ABCA13: variants seen among roughly 807,000 people sequenced by gnomAD.
ABCA13 encodes the protein ATP-binding cassette sub-family A member 13.
Under a neutral mutation model 478.7 loss-of-function variants are expected in ABCA13, and 476 were observed. That is an observed-to-expected ratio of 0.99 (90% CI 0.92 to 1.07). The LOEUF (loss-of-function observed/expected upper bound fraction) is 1.07, where lower values mean the gene tolerates loss of function less well. ABCA13 is among the 50% of genes least tolerant of loss of function. The pLI is 0.00. For missense variants in ABCA13, 6,060 were observed against 5,910.6 expected (o/e 1.03, Z -0.83); for synonymous variants, 2,252 against 2,158.9 (o/e 1.04, Z -1.20).
intron 5 of ABCA13, 21 bp from the exon 6 acceptor site, chr7:48,227,241 G>C: frequency 6.2e-7 from 1 of 1,609,370 alleles, no homozygotes; most frequent in Non-Finnish European, 8.5e-7. Flanking sequence ...GAAACTTTTG[G>C]TGTATTTTTT....
chr7:48,239,538 A>G, intron 9 of ABCA13, 133 bp downstream of exon 9: 1 of 1,072,210 alleles, frequency 9.3e-7, no homozygotes, highest in Non-Finnish European at 1.3e-6. Flanking sequence ...TAGGAGCCCC[A>G]CATCCTGGCC....
chr7:48,395,491 T>C (rs1816717815), intron 38 of ABCA13, among the ~76,000 whole-genome samples: 1 of 152,198 alleles, frequency 6.6e-6, no homozygotes, highest in Non-Finnish European at 1.5e-5. Flanking sequence ...GTCTTACTTA[T>C]ATTCAAATGT....
At chr7:48,317,088 A>G in intron 26 of ABCA13, 69 bp from the exon 27 acceptor site, 1 of 1,525,884 alleles carries the variant, frequency 6.6e-7, no homozygotes, top group Non-Finnish European at 8.8e-7. Flanking sequence ...GGATATGTGA[A>G]TGAATTTCCC....
At chr7:48,485,896 A>G (rs1458001419) in intron 47 of ABCA13, among the ~76,000 whole-genome samples, 25 of 152,158 alleles carry the variant, frequency 1.6e-4, no homozygotes, top group Admixed American at 1.6e-3. Context: ...CTACTCTGCC[A>G]GGTGCTTCCC....
chr7:48,190,034 A>C (rs1047303308), intron 1 of ABCA13, among the ~76,000 whole-genome samples: 4 of 152,178 alleles, frequency 2.6e-5, no homozygotes, highest in Non-Finnish European at 5.9e-5. Context: ...TTAATAACTA[A>C]AGTTATCATT....
intron 45 of ABCA13, among the ~76,000 whole-genome samples, chr7:48,480,418 C>T (rs1166313921): frequency 6.8e-6 from 1 of 147,608 alleles, no homozygotes; most frequent in East Asian, 2.3e-4. Flanking sequence ...TTTAATATAT[C>T]ATCTTTTCTG....
rs537495894 is a variant in ABCA13 at position 48,423,305 on chromosome 7, C to A, written c.12460-4461C>A. Among the ~76,000 whole-genome samples, 51 of 152,276 alleles carry A rather than the reference C, an allele frequency of 3.3e-4. 1 individual carries two copies. The South Asian group carries it at 7.5e-3, about 22-fold the overall frequency. Reference sequence around the variant, plus strand: ...AGTACATCTTATGTGACATGTAGGTCAAGTTTGGAAATTCTTCCTCTGCTC... The same window carrying A: ...AGTACATCTTATGTGACATGTAGGTAAAGTTTGGAAATTCTTCCTCTGCTC... On this transcript the variant is annotated intron_variant, in intron 41 of 61. Transcript: ENST00000435803.
At chr7:48,354,355 C>T (rs1236717322) in intron 31 of ABCA13, among the ~76,000 whole-genome samples, 1 of 151,872 alleles carries the variant, frequency 6.6e-6, no homozygotes, top group African/African-American at 2.4e-5. Flanking sequence ...CAAGAAGGCA[C>T]GATGGGAAGA....
intron 25 of ABCA13, 139 bp from the exon 26 acceptor site, chr7:48,314,093 C>G (rs1190212112): frequency 1.9e-6 from 2 of 1,041,372 alleles, no homozygotes; most frequent in Non-Finnish European, 2.7e-6. Context: ...ACAGAAAACT[C>G]TAAAGCAGAC....
chr7:48,482,444 C>T (rs558105689), intron 46 of ABCA13, among the ~76,000 whole-genome samples: 3 of 151,754 alleles, frequency 2.0e-5, no homozygotes, highest in South Asian at 2.1e-4. Context: ...TGCAGTGGCA[C>T]GATGTCCACT....
rs186745712 is a variant in ABCA13 at position 48,502,448 on chromosome 7, G to A, written c.13292-3888G>A. On this transcript the variant is annotated intron_variant, in intron 48 of 61. Transcript: ENST00000435803. The stretch of plus-strand genomic sequence containing the variant: ...TTGATCAAATAAAGATCCAACCTTG[G>A]TAGTTTAATATTTTATTATTGAGCT... Among the ~76,000 whole-genome samples, 746 of 152,304 alleles carry A rather than the reference G, an allele frequency of 4.9e-3. 23 individuals carry two copies. The highest frequency in any genetic ancestry group is 1.5e-3 in the Non-Finnish European group (100 of 68,028).
intron 42 of ABCA13, among the ~76,000 whole-genome samples, chr7:48,448,318 G>C (rs1361121614): frequency 2.0e-5 from 3 of 152,214 alleles, no homozygotes; most frequent in Non-Finnish European, 4.4e-5. Context: ...CATATTTAGA[G>C]TTTAGGTGCC....
chr7:48,272,771 A>G lies in ABCA13; in HGVS notation c.3105A>G (p.Ser1035=). 1 of 1,606,778 alleles carries G rather than the reference A, an allele frequency of 6.2e-7. No individual in the cohort carries two copies. The highest frequency in any genetic ancestry group is 8.5e-7 in the Non-Finnish European group (1 of 1,175,670). The change falls in exon 17 of 62, where the codon TCA becomes TCG. Residue 1035 remains serine (S), a synonymous_variant. Transcript: ENST00000435803. ...SNVSYCQQLL[S]IFNFLELQAQ... ...TATCTTACTGTCAGCAATTGCTTTC[A>G]ATTTTTAACTTTTTGGAGCTTCAGG...
chr7:48,505,425 G>A (rs771935299), intron 48 of ABCA13, among the ~76,000 whole-genome samples: 2 of 152,048 alleles, frequency 1.3e-5, no homozygotes, highest in African/African-American at 2.4e-5. Flanking sequence ...AGATAATACC[G>A]ATAAGATGAA....
chr7:48,300,623 G>C (rs572282445), intron 23 of ABCA13, among the ~76,000 whole-genome samples: 14 of 152,312 alleles, frequency 9.2e-5, no homozygotes, highest in Middle Eastern at 3.4e-3. Context: ...CCAGAGACAG[G>C]AGTGAGCAGA....
intron 55 of ABCA13, among the ~76,000 whole-genome samples, chr7:48,550,142 A>G (rs1159820032): frequency 6.6e-6 from 1 of 151,990 alleles, no homozygotes; most frequent in East Asian, 1.9e-4. Flanking sequence ...TCATAGGCAG[A>G]TGAAGCATAG....
In ABCA13 at chr7:48,608,098, C is replaced by T. The variant is rs149448236; in HGVS notation, c.14745-7187C>T. On this transcript the variant is annotated intron_variant, in intron 58 of 61. Transcript: ENST00000435803. ...GTTTCACCATGTTGGTCAGGCTGGT[C>T]TGGAACTCCTGACCTCAGGTGATCC... Among the ~76,000 whole-genome samples, 1,117 of 152,100 alleles carry T rather than the reference C, an allele frequency of 7.3e-3. 14 individuals are homozygous for T. Among genetic ancestry groups the T allele is most frequent in the African/African-American group, 0.025 (1,037 of 41,476 alleles).
At chr7:48,293,778 TA>T (rs1253769447) in intron 20 of ABCA13, among the ~76,000 whole-genome samples, 2 of 152,222 alleles carry the variant, frequency 1.3e-5, no homozygotes, top group Admixed American at 1.3e-4. Flanking sequence ...ATTGGTTGTT[TA>T]AAAAACTGAT....
At chr7:48,401,749 A>ACACACACACACACACACG (rs1817640800) in intron 38 of ABCA13, among the ~76,000 whole-genome samples, 1 of 151,324 alleles carries the variant, frequency 6.6e-6, no homozygotes, top group Non-Finnish European at 1.5e-5. Flanking sequence ...TTTAAAACAC[A>ACACACACACACACACACG]CACACACACA....
Sources: gnomAD v4.1 joint callset for allele counts (sites outside exome capture counted in the v4.1 genomes callset) on GRCh38, gnomAD v4.1.1 for gene constraint, MANE v1.5 for transcripts, NCBI Gene and HGNC (gene_info 2026-07-23, HGNC 2026-07-21) for gene names.